ARB2A: variants seen among roughly 807,000 people sequenced by gnomAD.
The protein encoded by ARB2A is cotranscriptional regulator ARB2A.
chr5:93,959,001 T>C, the ARB2A span: 11 of 1,423,132 alleles, frequency 7.7e-6, no homozygotes, highest in Non-Finnish European at 1.0e-5. Flanking sequence ...AATAAATAAA[T>C]GTCTTCTGAT....
the ARB2A span, among the ~76,000 whole-genome samples, chr5:94,097,521 C>T: frequency 1.3e-5 from 2 of 152,150 alleles, no homozygotes; most frequent in Non-Finnish European, 2.9e-5. Flanking sequence ...GAATAAGTCT[C>T]ACAAGATCTG....
At chr5:93,906,566 T>G in the ARB2A span, among the ~76,000 whole-genome samples, 1 of 151,596 alleles carries the variant, frequency 6.6e-6, no homozygotes, top group African/African-American at 2.4e-5. Flanking sequence ...AAATAAAACA[T>G]TTGTTTTTAT....
chr5:93,645,883 T>C, the ARB2A span, among the ~76,000 whole-genome samples: 1 of 152,118 alleles, frequency 6.6e-6, no homozygotes, highest in South Asian at 2.1e-4. Flanking sequence ...CAAAGGTGAG[T>C]CTCTAGCAAT....
chr5:93,647,652 T>C, the ARB2A span, among the ~76,000 whole-genome samples: 2 of 152,080 alleles, frequency 1.3e-5, no homozygotes, highest in African/African-American at 2.4e-5. Context: ...GCTTCCCTAG[T>C]AGCTGGGACT....
chr5:93,720,530 C>T, the ARB2A span, among the ~76,000 whole-genome samples: 1 of 152,178 alleles, frequency 6.6e-6, no homozygotes, highest in African/African-American at 2.4e-5. Context: ...TGGTACTGAA[C>T]ATTTACCACC....
chr5:93,967,053 C>T, the ARB2A span, among the ~76,000 whole-genome samples: 9 of 151,462 alleles, frequency 5.9e-5, no homozygotes, highest in Admixed American at 5.9e-4. Flanking sequence ...TAAATCAAGG[C>T]TTAGGAAGAA....
chr5:93,730,492 T>C, the ARB2A span, among the ~76,000 whole-genome samples: 1 of 152,172 alleles, frequency 6.6e-6, no homozygotes, highest in African/African-American at 2.4e-5. Flanking sequence ...TATTTAATGG[T>C]TGATTATTAC....
chr5:93,870,574 T>G, the ARB2A span, among the ~76,000 whole-genome samples: 4 of 152,246 alleles, frequency 2.6e-5, no homozygotes, highest in Non-Finnish European at 5.9e-5. Flanking sequence ...AGGTCTCTAT[T>G]TCATTATAGT....
At chr5:93,921,016 C>T in the ARB2A span, among the ~76,000 whole-genome samples, 1 of 151,908 alleles carries the variant, frequency 6.6e-6, no homozygotes, top group African/African-American at 2.4e-5. Context: ...ACTAGTGATG[C>T]TGGAAGTGCT....
the ARB2A span, among the ~76,000 whole-genome samples, chr5:94,099,912 T>C: frequency 6.6e-6 from 1 of 152,046 alleles, no homozygotes; most frequent in Non-Finnish European, 1.5e-5. Flanking sequence ...CCACATCTAT[T>C]CAACATAGTA....
the ARB2A span, among the ~76,000 whole-genome samples, chr5:93,712,200 G>C: frequency 6.6e-6 from 1 of 152,182 alleles, no homozygotes; most frequent in South Asian, 2.1e-4. Context: ...TGTAGGCAAA[G>C]AGGTTATTAT....
chr5:93,954,681 C>G, the ARB2A span, among the ~76,000 whole-genome samples: 1 of 145,576 alleles, frequency 6.9e-6, no homozygotes, highest in Non-Finnish European at 1.5e-5. Context: ...CTAAGCACAG[C>G]ACAGCACAGC....
chr5:94,000,954 A>G, the ARB2A span, among the ~76,000 whole-genome samples: 10 of 152,074 alleles, frequency 6.6e-5, no homozygotes, highest in Non-Finnish European at 1.3e-4. Flanking sequence ...AAATCAGTTG[A>G]CCATTTTTAT....
chr5:93,637,280 A>C, the ARB2A span, among the ~76,000 whole-genome samples: 1 of 150,320 alleles, frequency 6.7e-6, no homozygotes, highest in East Asian at 1.9e-4. Context: ...TTTCAGTAGT[A>C]TTCCATGGTA....
the ARB2A span, among the ~76,000 whole-genome samples, chr5:93,919,914 C>G: frequency 6.6e-6 from 1 of 152,072 alleles, no homozygotes; most frequent in Non-Finnish European, 1.5e-5. Context: ...AATGTTTTCA[C>G]AAATTGATTA....
the ARB2A span, chr5:93,738,996 G>T: frequency 1.3e-5 from 2 of 152,174 alleles, no homozygotes; most frequent in Non-Finnish European, 2.9e-5. Flanking sequence ...GTCTCATGAA[G>T]AAAAGATTAA....
chr5:93,721,520 T>C, the ARB2A span, among the ~76,000 whole-genome samples: 3 of 152,190 alleles, frequency 2.0e-5, no homozygotes, highest in Non-Finnish European at 4.4e-5. Flanking sequence ...TACATGCACA[T>C]GTAGGAACAT....
the ARB2A span, among the ~76,000 whole-genome samples, chr5:93,632,584 C>T: frequency 6.6e-5 from 10 of 152,096 alleles, no homozygotes; most frequent in African/African-American, 1.2e-4. Flanking sequence ...GAAATATAAA[C>T]GGACTAGCAT....
the ARB2A span, among the ~76,000 whole-genome samples, chr5:93,990,299 T>C: frequency 3.9e-5 from 6 of 152,130 alleles, no homozygotes; most frequent in Non-Finnish European, 7.4e-5. Context: ...AACTACATTA[T>C]AGATTAACAC....
Sources: gnomAD v4.1 joint callset for allele counts (sites outside exome capture counted in the v4.1 genomes callset) on GRCh38, gnomAD v4.1.1 for gene constraint, MANE v1.5 for transcripts, NCBI Gene and HGNC (gene_info 2026-07-23, HGNC 2026-07-21) for gene names.